CROCC: variants seen among roughly 807,000 people sequenced by gnomAD.
The protein encoded by CROCC is ciliary rootlet coiled-coil, rootletin.
A neutral mutation model predicts 245.2 loss-of-function variants in CROCC; 180 were observed. The ratio of observed to expected loss-of-function variants is 0.73; its 90% CI spans 0.65 to 0.83. CROCC has a LOEUF of 0.83. Ranked by LOEUF, CROCC falls within the 40% of genes least tolerant of loss-of-function variation. The pLI, the probability that CROCC is intolerant of heterozygous loss-of-function variation, is 0.00. For synonymous variants in CROCC, 1,205 were observed against 1,241.6 expected (o/e 0.97, Z 0.62); for missense variants, 2,688 against 2,779.4 (o/e 0.97, Z 0.74).
intron 26 of CROCC, among the ~76,000 whole-genome samples, chr1:16,959,294 G>T (rs1038715045): frequency 3.9e-5 from 6 of 152,170 alleles, no homozygotes; most frequent in Non-Finnish European, 8.8e-5. Flanking sequence ...AAAGTGCTGG[G>T]ATTACAGGTG....
chr1:16,920,832 C>T (rs1326658810), upstream of CROCC, among the ~76,000 whole-genome samples: 1 of 151,706 alleles, frequency 6.6e-6, no homozygotes, highest in Non-Finnish European at 1.5e-5. Flanking sequence ...CAACCTCTGC[C>T]TCCTGAGTTC....
chr1:16,931,331 T>C lies in CROCC; in HGVS notation c.890T>C (p.Leu297Pro). The C allele has an allele frequency of 2.5e-6, 4 of 1,612,802 alleles. No homozygotes were observed. The South Asian group carries it at 3.3e-5, about 13-fold the overall frequency. The change falls in exon 8 of 37, where the codon CTC (leucine) becomes CCC (proline). Residue 297 changes from leucine (L) to proline (P), a missense_variant. Physicochemically the swap from Leu to Pro is moderately conservative, Grantham distance 98 (BLOSUM62 -3). Around this residue, in one of 9 missense-constraint regions of CROCC, gnomAD observed 972 missense variants for 895.3 expected, o/e 1.09. Coordinates refer to ENST00000375541, the MANE Select transcript of CROCC (RefSeq NM_014675.5). ...AYFSNEHSRL[L>P]LLWRQVVGFR... Reference sequence around the variant, plus strand: ...TTCAGCAACGAGCACAGTCGCCTGCTCCTCCTCTGGAGGCAGGTGGTGGGG... The same window carrying C: ...TTCAGCAACGAGCACAGTCGCCTGCCCCTCCTCTGGAGGCAGGTGGTGGGG...
intron 2 of CROCC, among the ~76,000 whole-genome samples, 175 bp downstream of exon 2, chr1:16,922,973 A>G (rs570073766): frequency 2.2e-4 from 34 of 152,370 alleles, no homozygotes; most frequent in African/African-American, 7.9e-4. Context: ...CAGGGATGTA[A>G]TTTGTCCAGA....
chr1:16,936,042 C>G (rs1409724403), intron 8 of CROCC, among the ~76,000 whole-genome samples: 2 of 152,242 alleles, frequency 1.3e-5, no homozygotes, highest in African/African-American at 4.8e-5. Context: ...CAGAGCCCCT[C>G]CTTGTGTATT....
chr1:16,954,756 C>T lies in CROCC; in HGVS notation c.3344C>T (p.Ser1115Phe), dbSNP rs1429066520. ...CAGAGCACCGTGAACGCTCTGACGT[C>T]TGAGCTGCGGGACCTACGGGCCCAG... ...QDRSTVNALT[S>F]ELRDLRAQRE... The change falls in exon 23 of 37, where the codon TCT becomes TTT. Residue 1115 changes from serine (S) to phenylalanine (F), a missense_variant. Ser to Phe is a radical substitution (Grantham distance 155, BLOSUM62 -2). This residue lies in a region of CROCC where 1,218 missense variants were observed against 1,286.3 expected (regional missense o/e 0.95). Coordinates refer to ENST00000375541, the MANE Select transcript of CROCC (RefSeq NM_014675.5). This position sits in a 1 kb window ranked among gnomAD's most constrained non-coding sequence, Gnocchi z 4.4. 12 of 1,556,464 alleles carry T rather than the reference C, an allele frequency of 7.7e-6. No individual in the cohort carries two copies. The highest frequency in any genetic ancestry group is 2.7e-5 in the African/African-American group (2 of 73,318).
chr1:16,965,656 CAG>C, intron 27 of CROCC, 65 bp from the exon 28 acceptor site: 1 of 1,138,822 alleles, frequency 8.8e-7, no homozygotes, highest in Admixed American at 1.8e-5. Flanking sequence ...GCAGGGATGA[CAG>C]TGAGTGAGAT....
chr1:16,919,390 A>G (rs189448429), upstream of CROCC, among the ~76,000 whole-genome samples: 9 of 152,398 alleles, frequency 5.9e-5, no homozygotes, highest in Admixed American at 1.3e-4. Context: ...ATCTGGAAAT[A>G]GGTTGAAGTA....
intron 8 of CROCC, among the ~76,000 whole-genome samples, chr1:16,936,000 C>T (rs1318902446): frequency 3.3e-5 from 5 of 151,376 alleles, no homozygotes; most frequent in Non-Finnish European, 7.4e-5. Context: ...ATCACCCTCC[C>T]ACCAGCTGAG....
chr1:16,930,069 G>A, intron 4 of CROCC, 38 bp downstream of exon 4: 2 of 1,568,454 alleles, frequency 1.3e-6, no homozygotes, highest in Non-Finnish European at 1.7e-6. Context: ...CCTCCCACCT[G>A]TTCACTTTGC....
At chr1:16,919,705 G>C (rs1338515571), upstream of CROCC, among the ~76,000 whole-genome samples, 4 of 152,274 alleles carry the variant, frequency 2.6e-5, no homozygotes, top group African/African-American at 7.2e-5. Context: ...TTGGCTAATA[G>C]CTCACCACCT....
chr1:16,963,973 T>A (rs1187549182), intron 27 of CROCC, among the ~76,000 whole-genome samples: 3 of 151,666 alleles, frequency 2.0e-5, no homozygotes, highest in Admixed American at 6.6e-5. Context: ...TTTTTTGTAT[T>A]TTTAGTAGAG....
intron 12 of CROCC, among the ~76,000 whole-genome samples, 173 bp from the exon 13 acceptor site, chr1:16,939,718 TAGG>T (rs1557601644): frequency 6.6e-6 from 1 of 152,028 alleles, no homozygotes; most frequent in East Asian, 1.9e-4. Flanking sequence ...CGAGGGCACA[TAGG>T]AGGGGAGCGG....
chr1:16,922,923 T>C (rs780934325), intron 2 of CROCC, 125 bp downstream of exon 2: 13 of 1,389,866 alleles, frequency 9.4e-6, no homozygotes, highest in Non-Finnish European at 1.3e-5. Context: ...CACAGCTTTA[T>C]GACAGAAGAA....
At chr1:16,943,116 G>GGTGC (rs2075967469) in intron 13 of CROCC, among the ~76,000 whole-genome samples, 2 of 152,246 alleles carry the variant, frequency 1.3e-5, no homozygotes, top group Non-Finnish European at 2.9e-5. Flanking sequence ...GTGGCACATG[G>GGTGC]CTGTAATCCC....
In CROCC at chr1:16,948,327, C is replaced by A. The variant is rs772381581; in HGVS notation, c.2515-4C>A. The A allele has an allele frequency of 6.4e-6, 10 of 1,558,198 alleles. No homozygotes were observed. The East Asian group carries it at 2.3e-4, about 35-fold the overall frequency. On this transcript the variant is annotated splice_polypyrimidine_tract_variant and splice_region_variant and intron_variant, in intron 17 of 36. Coordinates refer to ENST00000375541, the MANE Select transcript of CROCC (RefSeq NM_014675.5). ...GTGCTACTCAGTCTCTGGGTGGGGG[C>A]CAGCTCTCCCGGCAGCTGAGCGGGC...
intron 1 of CROCC, among the ~76,000 whole-genome samples, chr1:16,916,800 A>C (rs2075310094): frequency 6.6e-6 from 1 of 152,290 alleles, no homozygotes; most frequent in Admixed American, 6.5e-5. Flanking sequence ...GGTGTGAGTC[A>C]GTGCACCCGG....
chr1:16,932,026 C>T (rs2075688838), intron 8 of CROCC, among the ~76,000 whole-genome samples: 2 of 152,216 alleles, frequency 1.3e-5, no homozygotes, highest in Non-Finnish European at 2.9e-5. Context: ...CTCAGCCTCC[C>T]AAAGTGCTGG....
chr1:16,930,751 A>C (rs1325939386), intron 7 of CROCC, among the ~76,000 whole-genome samples, 157 bp downstream of exon 7: 1 of 152,286 alleles, frequency 6.6e-6, no homozygotes, highest in Non-Finnish European at 1.5e-5. Context: ...GGTCTTTATC[A>C]GTGTGTAGCA....
intron 19 of CROCC, among the ~76,000 whole-genome samples, chr1:16,950,331 T>TG (rs1175542906): frequency 1.3e-5 from 2 of 149,760 alleles, no homozygotes; most frequent in East Asian, 2.0e-4. Flanking sequence ...CCCAGAGTGC[T>TG]GGATTACAGG....
Sources: gnomAD v4.1 joint callset for allele counts (sites outside exome capture counted in the v4.1 genomes callset) on GRCh38, gnomAD v4.1.1 for gene constraint, gnomAD v4.1.1 regional missense constraint, Gnocchi (gnomAD v3.1) non-coding constraint, MANE v1.5 for transcripts, NCBI Gene and HGNC (gene_info 2026-07-23, HGNC 2026-07-21) for gene names.